ITGB7: variants seen among roughly 807,000 people sequenced by gnomAD.
ITGB7 encodes integrin subunit beta 7, also known as integrin beta-7.
Under a neutral mutation model 83.4 loss-of-function variants are expected in ITGB7, and 55 were observed. The observed-to-expected ratio is 0.66, with a 90% CI of 0.53 to 0.83. The LOEUF is 0.83. Ranked by LOEUF, ITGB7 falls within the 40% of genes least tolerant of loss-of-function variation. The probability of loss-of-function intolerance (pLI) is 0.00; values close to 1 mark genes in which losing one functional copy is unlikely to be tolerated. For synonymous variants in ITGB7, 454 were observed against 423.6 expected (o/e 1.07, Z -0.88); for missense variants, 921 against 1,046.7 (o/e 0.88, Z 1.66).
At chr12:53,193,561 A>T in intron 11 of ITGB7, 147 bp downstream of exon 11, 1 of 797,464 alleles carries the variant, frequency 1.3e-6, no homozygotes, top group Non-Finnish European at 2.0e-6. Flanking sequence ...CTGGACATAC[A>T]TGGGAAGCTT....
In ITGB7 at chr12:53,197,911, G is replaced by A; in HGVS notation, c.242C>T (p.Ala81Val). The change falls in exon 4 of 16, where the codon GCC (alanine) becomes GTC (valine). Residue 81 changes from alanine to valine, a missense_variant. By Grantham distance (64) the Ala-to-Val change is moderately conservative. Coordinates refer to ENST00000267082, the MANE Select transcript of ITGB7 (RefSeq NM_000889.3). Reference sequence around the variant, plus strand: ...TCGAGCCAGCAGCTCCTCTCGTCGGGCGCAGCGCCGCGCCTCCGCCTCTCC... The same window carrying A: ...TCGAGCCAGCAGCTCCTCTCGTCGGACGCAGCGCCGCGCCTCCGCCTCTCC... The part of the protein sequence containing the change: ...ASGEAEARRC[A>V]RREELLARGC... 6.5e-7 allele frequency: 1 copy of A among 1,545,046 alleles called. No homozygotes were observed. The highest frequency in any genetic ancestry group is 2.4e-5 in the East Asian group (1 of 41,334).
intron 14 of ITGB7, 25 bp downstream of exon 14, chr12:53,192,305 G>A (rs771415887): frequency 2.5e-6 from 4 of 1,610,740 alleles, no homozygotes; most frequent in Non-Finnish European, 3.4e-6. Context: ...AACTTCCAGG[G>A]TTTGTGGCAT....
Position 53,194,360 on chromosome 12 carries a change from G to A in ITGB7, c.1162-16C>T, listed in dbSNP as rs376658776. On this transcript the variant is annotated splice_polypyrimidine_tract_variant and intron_variant, in intron 9 of 15. Transcript: ENST00000267082. ...AAGACAGGCTCTATGGGAAGAGAGC[G>A]AGTGGATAACCACGTGAAGGCAGAA... The A allele has an allele frequency of 2.3e-5, 37 of 1,613,160 alleles. No homozygotes were observed. In the African/African-American group the frequency reaches 3.7e-4, roughly 16 times the overall value.
In ITGB7 at chr12:53,206,264, G is replaced by A. The variant is rs114065402; in HGVS notation, c.-127+938C>T. On this transcript the variant is annotated intron_variant, in intron 1 of 15. Coordinates refer to ENST00000267082, the MANE Select transcript of ITGB7 (RefSeq NM_000889.3). ...CTTTTCTCTGCTCCACTTCTTCATAGGGCTATTTTACTTCCTTTTCCCCTC... is the reference window on the plus strand; with the variant it reads ...CTTTTCTCTGCTCCACTTCTTCATAAGGCTATTTTACTTCCTTTTCCCCTC... Among the ~76,000 whole-genome samples the A allele has an allele frequency of 9.1e-3, 1,386 of 152,164 alleles. 25 individuals carry two copies. The highest frequency in any genetic ancestry group is 0.032 in the African/African-American group (1,325 of 41,516).
intron 10 of ITGB7, 45 bp from the exon 11 acceptor site, chr12:53,193,946 AC>A: frequency 1.3e-6 from 2 of 1,541,310 alleles, no homozygotes; most frequent in Non-Finnish European, 1.8e-6. Context: ...ACATGCACAC[AC>A]ACATACCCCA....
intron 1 of ITGB7, among the ~76,000 whole-genome samples, chr12:53,205,112 AC>A (rs551661998): frequency 4.6e-5 from 7 of 152,126 alleles, no homozygotes; most frequent in Admixed American, 6.5e-5. Context: ...GGCATGAGCC[AC>A]TGTGCCTGGC....
chr12:53,195,811 G>T (rs1942142838), intron 7 of ITGB7, 90 bp from the exon 8 acceptor site: 1 of 1,209,798 alleles, frequency 8.3e-7, no homozygotes, highest in Non-Finnish European at 1.2e-6. Flanking sequence ...AGGAACCAAG[G>T]TTCCACCAGC....
At chr12:53,200,877 C>T (rs1942308572) in intron 2 of ITGB7, among the ~76,000 whole-genome samples, 195 bp downstream of exon 2, 1 of 150,684 alleles carries the variant, frequency 6.6e-6, no homozygotes, top group East Asian at 1.9e-4. Context: ...TGTAGTGAGC[C>T]GAGATCACAC....
chr12:53,191,756 G>A, intron 15 of ITGB7, 103 bp downstream of exon 15: 1 of 1,531,556 alleles, frequency 6.5e-7, no homozygotes, highest in Non-Finnish European at 9.0e-7. Context: ...CAGAGGGGTT[G>A]GTTACATGTG....
In ITGB7 at chr12:53,193,251, C is replaced by T. The variant is rs376018193; in HGVS notation, c.1615G>A (p.Gly539Arg). ...CGTCCACATTGACAGTGACCCTTTC[C>T]ACTGCACAGGGGCCCTGTGCCATTG... ...APNGTGPLCSGKGHCQCGRCS... is the reference protein window; with the variant it reads ...APNGTGPLCSRKGHCQCGRCS... Residue 539 changes from glycine to arginine, a missense_variant, in exon 12 of 16, where the codon GGA becomes AGA. By Grantham distance (125) the Gly-to-Arg change is moderately radical. Coordinates refer to ENST00000267082, the MANE Select transcript of ITGB7 (RefSeq NM_000889.3). The T allele has an allele frequency of 6.2e-6, 10 of 1,614,056 alleles. No individual in the cohort carries two copies. In the Admixed American group the frequency reaches 6.7e-5, roughly 11 times the overall value.
chr12:53,205,142 C>T (rs920083090), intron 1 of ITGB7, among the ~76,000 whole-genome samples: 1 of 151,882 alleles, frequency 6.6e-6, no homozygotes, highest in African/African-American at 2.4e-5. Flanking sequence ...GTTTCTAGTT[C>T]CCTATGACAA....
intron 8 of ITGB7, 61 bp downstream of exon 8, chr12:53,195,565 T>C: frequency 1.3e-6 from 2 of 1,534,244 alleles, no homozygotes; most frequent in South Asian, 1.1e-5. Flanking sequence ...GAATGTATCT[T>C]TGGGGGAATT....
intron 7 of ITGB7, 140 bp from the exon 8 acceptor site, chr12:53,195,861 G>A: frequency 1.0e-6 from 1 of 961,600 alleles, no homozygotes; most frequent in Non-Finnish European, 1.6e-6. Flanking sequence ...TAGGAAGGAG[G>A]TAGGGAATGG....
chr12:53,200,530 T>G, intron 2 of ITGB7, 84 bp from the exon 3 acceptor site: 1 of 1,171,104 alleles, frequency 8.5e-7, no homozygotes, highest in Non-Finnish European at 1.2e-6. Flanking sequence ...CTTGTGGTTA[T>G]CACTCTCAAA....
At chr12:53,192,264 T>G (rs1441981813) in intron 14 of ITGB7, 66 bp downstream of exon 14, 3 of 1,516,156 alleles carry the variant, frequency 2.0e-6, no homozygotes, top group Non-Finnish European at 2.7e-6. Flanking sequence ...ATCTTCACTC[T>G]GCATCCCCAG....
In ITGB7 at chr12:53,196,082, G is replaced by A; in HGVS notation, c.934C>T (p.His312Tyr). The change falls in exon 7 of 16, where the codon CAC becomes TAC. Residue 312 changes from histidine to tyrosine, a missense_variant. Transcript: ENST00000267082. ...CTGTAGAGGCCATTGCTGTCCAAGT[G>A]GCAGTGCCCATCACTGGGCATGAAA... ...GIFMPSDGHCHLDSNGLYSRS... is the reference protein window; with the variant it reads ...GIFMPSDGHCYLDSNGLYSRS... 1 of 1,614,150 alleles carries A rather than the reference G, an allele frequency of 6.2e-7. No individual in the cohort carries two copies.
chr12:53,203,530 TC>T (rs1942364300), intron 1 of ITGB7, among the ~76,000 whole-genome samples: 1 of 150,044 alleles, frequency 6.7e-6, no homozygotes, highest in African/African-American at 2.5e-5. Flanking sequence ...TGCCTGTAGC[TC>T]CAGCTACTCG....
rs752286976 is a variant in ITGB7 at position 53,196,690 on chromosome 12, C to G, written c.705G>C (p.Leu235=). The part of the protein sequence containing the change: ...SPFSFHHVLS[L]TGDAQAFERE... ...GCTCGAAGGCTTGTGCGTCCCCCGT[C>G]AGGGACAGCACATGGTGAAAGCTGA... The change falls in exon 6 of 16, where the codon CTG becomes CTC. Residue 235 remains leucine (L), a synonymous_variant. Transcript: ENST00000267082. The G allele has an allele frequency of 1.2e-6, 2 of 1,612,146 alleles. No homozygotes were observed. Among genetic ancestry groups the G allele is most frequent in the African/African-American group, 2.7e-5 (2 of 74,916 alleles).
chr12:53,204,968 G>C (rs904949604), intron 1 of ITGB7, among the ~76,000 whole-genome samples: 1 of 151,462 alleles, frequency 6.6e-6, no homozygotes, highest in Non-Finnish European at 1.5e-5. Flanking sequence ...GGGATTACAG[G>C]TGTGAGCCAC....
Sources: allele counts gnomAD v4.1 joint callset (sites outside exome capture counted in the v4.1 genomes callset), GRCh38; gene constraint gnomAD v4.1.1; transcripts MANE v1.5; gene names NCBI Gene and HGNC (gene_info 2026-07-23, HGNC 2026-07-21).